Variants in TOR1AIP1 observed in about 807,000 individuals in gnomAD.
The protein encoded by TOR1AIP1 is torsin-1A-interacting protein 1.
Under a neutral mutation model 63.3 loss-of-function variants are expected in TOR1AIP1, and 54 were observed. The ratio of observed to expected loss-of-function variants is 0.85; its 90% CI spans 0.69 to 1.07. The LOEUF (loss-of-function observed/expected upper bound fraction) is 1.07. Ranked by LOEUF, TOR1AIP1 falls within the 50% of genes least tolerant of loss-of-function variation. The probability of loss-of-function intolerance (pLI) is 0.00; values close to 1 mark genes in which losing one functional copy is unlikely to be tolerated. For synonymous variants in TOR1AIP1, 294 were observed against 273.5 expected, an observed-to-expected ratio of 1.07 and a Z score of -0.74; for missense variants, 736 against 715.0, an observed-to-expected ratio of 1.03 and a Z score of -0.33.
chr1:179,900,078 C>G (rs1251217924), intron 3 of TOR1AIP1, 48 bp from the exon 4 acceptor site: 1 of 1,433,782 alleles, frequency 7.0e-7, no homozygotes. Context: ...TAAGCTTTAA[C>G]TTTTGATGTT....
At chr1:179,897,559 C>G (rs1648326546) in intron 3 of TOR1AIP1, among the ~76,000 whole-genome samples, 1 of 152,156 alleles carries the variant, frequency 6.6e-6, no homozygotes. Context: ...ATTCTGATAG[C>G]TCAACAAATG....
intron 9 of TOR1AIP1, among the ~76,000 whole-genome samples, chr1:179,915,817 G>A (rs1412080260): frequency 6.6e-6 from 1 of 152,134 alleles, no homozygotes; most frequent in East Asian, 1.9e-4. Flanking sequence ...CATGGTGGCA[G>A]ATTTAGGATT....
chr1:179,900,150 T>C lies in TOR1AIP1; in HGVS notation c.635T>C (p.Val212Ala). 1 of 1,605,242 alleles carries C rather than the reference T, an allele frequency of 6.2e-7. No individual in the cohort carries two copies. The highest frequency in any genetic ancestry group is 1.3e-5 in the African/African-American group (1 of 74,836). The change falls in exon 4 of 10, where the codon GTC becomes GCC. Residue 212 changes from valine (V) to alanine (A), a missense_variant. Coordinates refer to ENST00000606911, the MANE Select transcript of TOR1AIP1 (RefSeq NM_015602.4). ...GAAGCCACCAGTGTCCAACAGAAGG[T>C]CAATTTCTCTGAAGAAGGTATTTTA... is the stretch of plus-strand genomic sequence containing the variant. ...RYEATSVQQKVNFSEEGETEE... is the reference protein window; with the variant it reads ...RYEATSVQQKANFSEEGETEE...
At position 179,916,700 on chromosome 1, in the gene TOR1AIP1, C is replaced by CTTTTT. The variant is rs3029850; in HGVS notation, c.965-735_965-731dup. On this transcript the variant is annotated intron_variant, in intron 9 of 9. Coordinates refer to ENST00000606911, the MANE Select transcript of TOR1AIP1 (RefSeq NM_015602.4). Reference sequence around the variant, plus strand: ...ATGTTCATTTATATTGCATCCTTTTCTTTTTTTTTTTTTTTTTTTTTGAGA... The same window carrying CTTTTT: ...ATGTTCATTTATATTGCATCCTTTTCTTTTTTTTTTTTTTTTTTTTTTTTTTGAGA... Among the ~76,000 whole-genome samples, 429 of 95,162 alleles carry CTTTTT rather than the reference C, an allele frequency of 4.5e-3. 5 individuals are homozygous for CTTTTT. The highest frequency in any genetic ancestry group is 5.2e-3 in the African/African-American group (127 of 24,616). The allele number at this position is 95,162 out of a possible 152,430, so 62.4% of individuals were successfully genotyped here.
rs534633825 is a variant in TOR1AIP1, at chr1:179,891,729, C to T, written c.610+2360C>T. ...TACAGATGACCACCATGACACCCAG[C>T]TAATTTTTGTATATTTAGTAGAGAT... On this transcript the variant is annotated intron_variant, in intron 3 of 9. Coordinates refer to ENST00000606911, the MANE Select transcript of TOR1AIP1 (RefSeq NM_015602.4). Among the ~76,000 whole-genome samples the T allele has an allele frequency of 1.4e-4, 21 of 151,798 alleles. No individual in the cohort carries two copies. In the South Asian group the frequency reaches 4.2e-3, roughly 30 times the overall value.
chr1:179,909,462 G>T (rs1648761937), intron 8 of TOR1AIP1, among the ~76,000 whole-genome samples: 1 of 151,900 alleles, frequency 6.6e-6, no homozygotes, highest in Non-Finnish European at 1.5e-5. Context: ...CCAGGCTGGA[G>T]TACAGTGGTG....
At chr1:179,907,648 A>G (rs1571734660) in intron 6 of TOR1AIP1, among the ~76,000 whole-genome samples, 175 bp from the exon 7 acceptor site, 2 of 142,378 alleles carry the variant, frequency 1.4e-5, no homozygotes, top group South Asian at 2.2e-4. Flanking sequence ...TAGTATATGT[A>G]TGTTTTTTAT....
chr1:179,914,995 G>T, intron 9 of TOR1AIP1, among the ~76,000 whole-genome samples: 1 of 152,102 alleles, frequency 6.6e-6, no homozygotes, highest in East Asian at 1.9e-4. Flanking sequence ...AATTTAGCAA[G>T]AAGAGTAACA....
chr1:179,887,432 T>C (rs1346287503), intron 2 of TOR1AIP1, among the ~76,000 whole-genome samples: 3 of 152,096 alleles, frequency 2.0e-5, no homozygotes, highest in Non-Finnish European at 4.4e-5. Context: ...AGGACCACCT[T>C]ATAAAACAAC....
At chr1:179,885,469 GA>G (rs750695331) in intron 2 of TOR1AIP1, among the ~76,000 whole-genome samples, 4 of 152,166 alleles carry the variant, frequency 2.6e-5, no homozygotes, top group Non-Finnish European at 4.4e-5. Context: ...TAAAAAGCTG[GA>G]GAAGGGATCA....
intron 3 of TOR1AIP1, among the ~76,000 whole-genome samples, chr1:179,891,558 A>G (rs1054922006): frequency 3.0e-5 from 1 of 33,242 alleles, no homozygotes; most frequent in African/African-American, 5.8e-5. Flanking sequence ...TTTTATTTTT[A>G]TTTATTTATT....
chr1:179,917,531 C>T lies in TOR1AIP1; in HGVS notation c.1044C>T (p.Ala348=), dbSNP rs1206337247. The T allele has an allele frequency of 6.2e-7, 1 of 1,614,024 alleles. No homozygotes were observed. The highest frequency in any genetic ancestry group is 2.2e-5 in the East Asian group (1 of 44,884). ...WWLLPLIAAL[A]SGSFWFFSTP... Reference sequence around the variant, plus strand: ...TACTTCCTCTGATAGCTGCTCTTGCCTCTGGGAGTTTTTGGTTCTTTAGTA... The same window carrying T: ...TACTTCCTCTGATAGCTGCTCTTGCTTCTGGGAGTTTTTGGTTCTTTAGTA... The change falls in exon 10 of 10, where the codon GCC becomes GCT. Residue 348 remains alanine (A), a synonymous_variant. Coordinates refer to ENST00000606911, the MANE Select transcript of TOR1AIP1 (RefSeq NM_015602.4).
In TOR1AIP1 at chr1:179,906,706, AT is replaced by A. The variant is rs768657112; in HGVS notation, c.797-1113del. ...CAGCCCAACTACTTTTAGATATATA[AT>A]TTTGGAAAAATTACCAATTTTGGTT... On this transcript the variant is annotated intron_variant, in intron 6 of 9. Coordinates refer to ENST00000606911, the MANE Select transcript of TOR1AIP1 (RefSeq NM_015602.4). Among the ~76,000 whole-genome samples the A allele has an allele frequency of 6.3e-4, 93 of 147,812 alleles. 1 individual carries two copies. Among genetic ancestry groups the A allele is most frequent in the Non-Finnish European group, 1.3e-3 (85 of 67,288 alleles).
At position 179,884,788 on chromosome 1, in the gene TOR1AIP1, T is replaced by C. The variant is rs751570777; in HGVS notation, c.553+19T>C. On this transcript the variant is annotated intron_variant, in intron 2 of 9. Transcript: ENST00000606911. ...GCTCCAGGTAAGAATAGTTAACTTT[T>C]TGTTTTTCTCCTTACCTACCAACTT... 7.6e-6 allele frequency: 12 copies of C among 1,579,382 alleles called. No individual in the cohort carries two copies. The highest frequency in any genetic ancestry group is 1.4e-5 in the African/African-American group (1 of 72,996).
chr1:179,885,908 T>A (rs907259029), intron 2 of TOR1AIP1, among the ~76,000 whole-genome samples: 1 of 152,064 alleles, frequency 6.6e-6, no homozygotes, highest in Admixed American at 6.6e-5. Context: ...ACCTGGCTAA[T>A]TTTTGTATTT....
intron 3 of TOR1AIP1, among the ~76,000 whole-genome samples, chr1:179,899,390 C>T (rs900249688): frequency 5.3e-5 from 8 of 152,252 alleles, no homozygotes; most frequent in Admixed American, 4.6e-4. Flanking sequence ...TACATGGACC[C>T]GCCAGAACTA....
chr1:179,915,505 C>T (rs1648963673), intron 9 of TOR1AIP1, among the ~76,000 whole-genome samples: 1 of 152,220 alleles, frequency 6.6e-6, no homozygotes. Flanking sequence ...CCTGTAATCC[C>T]AACATTTTGG....
intron 3 of TOR1AIP1, among the ~76,000 whole-genome samples, chr1:179,895,628 G>C (rs112677260): frequency 6.6e-6 from 1 of 151,994 alleles, no homozygotes; most frequent in African/African-American, 2.4e-5. Flanking sequence ...GGCCGGGCAC[G>C]GTGTCTCACA....
At chr1:179,891,280 G>A (rs188114921) in intron 3 of TOR1AIP1, among the ~76,000 whole-genome samples, 13 of 152,256 alleles carry the variant, frequency 8.5e-5, no homozygotes, top group African/African-American at 2.9e-4. Flanking sequence ...GTAGTACCGT[G>A]GTGCGATCTC....
Sources: allele counts gnomAD v4.1 joint callset (sites outside exome capture counted in the v4.1 genomes callset), GRCh38; gene constraint gnomAD v4.1.1; transcripts MANE v1.5; gene names NCBI Gene and HGNC (gene_info 2026-07-23, HGNC 2026-07-21).